USP26: variants seen among roughly 807,000 people sequenced by gnomAD.
The protein encoded by USP26 is ubiquitin carboxyl-terminal hydrolase 26.
For synonymous variants in USP26, 236 were observed against 240.6 expected, an observed-to-expected ratio of 0.98 and a Z score of 0.18; for missense variants, 649 against 642.3, an observed-to-expected ratio of 1.01 and a Z score of -0.11.
chrX:133,033,061 T>C (rs957532280), intron 5 of USP26, among the ~76,000 whole-genome samples: 3 of 111,269 alleles, frequency 2.7e-5, no homozygotes, highest in Non-Finnish European at 5.7e-5. Flanking sequence ...GAGACAGACA[T>C]GATCAGATGC....
chrX:133,081,583 A>G (rs2067570454), intron 5 of USP26, among the ~76,000 whole-genome samples: 1 of 111,986 alleles, frequency 8.9e-6, no homozygotes, highest in Non-Finnish European at 1.9e-5. Context: ...GGCATGAGCC[A>G]CCATGCCCGG....
At chrX:133,066,240 GA>G (rs1305304729) in intron 5 of USP26, among the ~76,000 whole-genome samples, 1 of 111,047 alleles carries the variant, frequency 9.0e-6, no homozygotes, top group Admixed American at 9.6e-5. Context: ...CAAATAAATG[GA>G]AAAAAATTCC....
intron 5 of USP26, among the ~76,000 whole-genome samples, chrX:133,063,201 C>A (rs2067499306): frequency 9.0e-6 from 1 of 111,144 alleles, no homozygotes; most frequent in African/African-American, 3.3e-5. Context: ...AGGGAATGAA[C>A]AAAGCCTCCA....
chrX:133,032,734 A>C (rs1367802768), intron 5 of USP26, among the ~76,000 whole-genome samples: 6 of 111,781 alleles, frequency 5.4e-5, no homozygotes, highest in Non-Finnish European at 1.1e-4. Context: ...GTAGAGAAAA[A>C]AATGATTATA....
At chrX:133,084,211 T>C in intron 4 of USP26, among the ~76,000 whole-genome samples, 1 of 111,719 alleles carries the variant, frequency 9.0e-6, no homozygotes, top group Non-Finnish European at 1.9e-5. Flanking sequence ...TTTGTTTGTT[T>C]ATTTATTTAT....
chrX:133,078,157 C>T (rs73564253), intron 5 of USP26, among the ~76,000 whole-genome samples: 2,555 of 110,827 alleles, frequency 0.023, 43 homozygotes, highest in African/African-American at 0.068. Context: ...TGTGACACGC[C>T]TGCTCCCCCT....
chrX:133,096,809 C>G (rs951295195), intron 1 of USP26, among the ~76,000 whole-genome samples: 8 of 111,658 alleles, frequency 7.2e-5, no homozygotes, highest in African/African-American at 2.6e-4. Flanking sequence ...GCAGGAGAAT[C>G]GCTTAAACCC....
intron 5 of USP26, among the ~76,000 whole-genome samples, chrX:133,079,480 C>A (rs2067562327): frequency 9.0e-6 from 1 of 111,730 alleles, no homozygotes. Flanking sequence ...GAATAAGAGA[C>A]TTCTTAATAC....
At chrX:133,081,192 C>T (rs1159001160) in intron 5 of USP26, among the ~76,000 whole-genome samples, 1 of 110,473 alleles carries the variant, frequency 9.1e-6, no homozygotes, top group Non-Finnish European at 1.9e-5. Flanking sequence ...TGCAGTGGAG[C>T]CCAAATCTCC....
At chrX:133,031,244 G>A (rs965729638) in intron 5 of USP26, among the ~76,000 whole-genome samples, 1 of 112,077 alleles carries the variant, frequency 8.9e-6, no homozygotes, top group Non-Finnish European at 1.9e-5. Context: ...GAAAGACGGA[G>A]CCAGGTAATG....
intron 5 of USP26, among the ~76,000 whole-genome samples, chrX:133,047,881 A>C: frequency 8.9e-6 from 1 of 111,909 alleles, no homozygotes; most frequent in East Asian, 2.8e-4. Flanking sequence ...CAGAACTGTG[A>C]GAAATAAATT....
intron 5 of USP26, among the ~76,000 whole-genome samples, chrX:133,031,015 G>A (rs183517555): frequency 1.8e-5 from 2 of 111,624 alleles, no homozygotes; most frequent in South Asian, 3.8e-4. Flanking sequence ...ATATAAAATC[G>A]AGTATGTGTT....
chrX:133,072,703 G>T (rs967321445), intron 5 of USP26, among the ~76,000 whole-genome samples: 1 of 112,345 alleles, frequency 8.9e-6, no homozygotes, highest in African/African-American at 3.2e-5. Context: ...CACTTTAAAT[G>T]ACATTTGCAG....
At chrX:133,092,179 T>C (rs1210695697) in intron 1 of USP26, among the ~76,000 whole-genome samples, 1 of 111,898 alleles carries the variant, frequency 8.9e-6, no homozygotes, top group African/African-American at 3.3e-5. Context: ...AGAGGTTTGA[T>C]TGTCCCTTCA....
chrX:133,040,048 A>C (rs12847250), intron 5 of USP26, among the ~76,000 whole-genome samples: 2 of 111,228 alleles, frequency 1.8e-5, no homozygotes, highest in African/African-American at 3.3e-5. Flanking sequence ...TGCTTGGTAA[A>C]TATTCCTCCA....
intron 5 of USP26, among the ~76,000 whole-genome samples, chrX:133,072,685 A>C (rs1050891006): frequency 8.9e-6 from 1 of 112,755 alleles, no homozygotes; most frequent in South Asian, 3.6e-4. Flanking sequence ...AAGAAAAAAA[A>C]TCCAAAACAC....
intron 5 of USP26, among the ~76,000 whole-genome samples, chrX:133,061,899 C>G (rs1322343897): frequency 1.8e-5 from 2 of 111,632 alleles, no homozygotes; most frequent in Non-Finnish European, 3.8e-5. Context: ...GAGGTTCCCC[C>G]TCACCAGTGG....
At chrX:133,034,216 C>A (rs986360193) in intron 5 of USP26, among the ~76,000 whole-genome samples, 3 of 111,752 alleles carry the variant, frequency 2.7e-5, no homozygotes, top group African/African-American at 9.7e-5. Flanking sequence ...ATTTTCAGTG[C>A]GTGTGTGCAG....
intron 4 of USP26, among the ~76,000 whole-genome samples, chrX:133,084,302 G>T (rs7058413): frequency 3.2e-3 from 358 of 111,274 alleles, no homozygotes; most frequent in African/African-American, 0.011. Flanking sequence ...AGGCTCAAGT[G>T]ATCCTCCCAC....
Sources: allele counts gnomAD v4.1 joint callset (sites outside exome capture counted in the v4.1 genomes callset), GRCh38; gene constraint gnomAD v4.1.1; transcripts MANE v1.5; gene names NCBI Gene and HGNC (gene_info 2026-07-23, HGNC 2026-07-21).